MAS1: variants seen among roughly 807,000 people sequenced by gnomAD.
MAS1 encodes the protein proto-oncogene Mas.
For missense variants in MAS1, 387 were observed against 409.7 expected, an observed-to-expected ratio of 0.94 and a Z score of 0.48; for synonymous variants, 163 against 164.2, an observed-to-expected ratio of 0.99 and a Z score of 0.05.
chr6:159,908,109 C>T lies in MAS1; in HGVS notation c.*176C>T. 1 of 611,362 alleles carries T rather than the reference C, an allele frequency of 1.6e-6. No homozygotes were observed. The highest frequency in any genetic ancestry group is 3.1e-5 in the East Asian group (1 of 32,188). 37.9% of individuals were successfully genotyped at this position (611,362 alleles called of 1,614,324 possible). A position where few individuals can be genotyped will look rare whatever the true frequency, so the allele number is the denominator to read the frequency against. ...CTTGTACTGTATCTTCTGGAAATGA[C>T]CTGTCATTTCTGTACTTGACAAAGA... On this transcript the variant is annotated 3_prime_UTR_variant, in exon 3 of 3. Coordinates refer to ENST00000674077, the MANE Select transcript of MAS1 (RefSeq NM_002377.4).
chr6:159,890,443 C>T (rs1055377639), upstream of MAS1, among the ~76,000 whole-genome samples: 1 of 152,152 alleles, frequency 6.6e-6, no homozygotes, highest in Non-Finnish European at 1.5e-5. Flanking sequence ...CCCCTGAACA[C>T]ACTCCTTGGC....
At chr6:159,900,460 C>T in intron 2 of MAS1, among the ~76,000 whole-genome samples, 1 of 152,198 alleles carries the variant, frequency 6.6e-6, no homozygotes, top group East Asian at 1.9e-4. Context: ...TGCTATTTCA[C>T]TTCAGAGACC....
At position 159,912,994 on chromosome 6, in the gene MAS1, A is replaced by G. The variant is rs938759085; in HGVS notation, c.*5061A>G. On this transcript the variant is annotated 3_prime_UTR_variant, in exon 3 of 3. Transcript: ENST00000674077. ...ATGTTGAAGAGAGGCTCTTGGGAAA[A>G]CTGCTGAAGTCTTTAGATATTTTTG... is the stretch of plus-strand genomic sequence containing the variant. The G allele has an allele frequency of 6.6e-6, 1 of 152,228 alleles. No homozygotes were observed. Among genetic ancestry groups the G allele is most frequent in the East Asian group, 1.9e-4 (1 of 5,204 alleles). The allele number at this position is 152,228 out of a possible 1,614,324, so 9.4% of individuals were successfully genotyped here.
intron 1 of MAS1, among the ~76,000 whole-genome samples, chr6:159,891,992 C>T (rs887311196): frequency 7.2e-5 from 11 of 152,132 alleles, no homozygotes; most frequent in African/African-American, 2.7e-4. Context: ...ACCAGTAGCA[C>T]ACTCCTCTCC....
chr6:159,914,555 T>C lies in MAS1; in HGVS notation c.*6622T>C, dbSNP rs1782999622. 6.6e-6 allele frequency: 1 copy of C among 152,248 alleles called. No homozygotes were observed. The highest frequency in any genetic ancestry group is 6.5e-5 in the Admixed American group (1 of 15,288). The allele number at this position is 152,248 out of a possible 1,614,324, so 9.4% of individuals were successfully genotyped here. A position where few individuals can be genotyped will look rare whatever the true frequency, so the allele number is the denominator to read the frequency against. On this transcript the variant is annotated 3_prime_UTR_variant, in exon 3 of 3. Coordinates refer to ENST00000674077, the MANE Select transcript of MAS1 (RefSeq NM_002377.4). Reference sequence around the variant, plus strand: ...TCAGAACTTAATCTTGAGCTTTTTGTTGTTTCCAGGCCAGGGGAGGGCTCT... The same window carrying C: ...TCAGAACTTAATCTTGAGCTTTTTGCTGTTTCCAGGCCAGGGGAGGGCTCT...
At chr6:159,896,904 T>G (rs566581675) in intron 1 of MAS1, among the ~76,000 whole-genome samples, 177 of 152,132 alleles carry the variant, frequency 1.2e-3, no homozygotes, top group African/African-American at 4.2e-3. Context: ...GACGGAGTCT[T>G]GATCTGTCAC....
intron 2 of MAS1, 143 bp from the exon 3 acceptor site, chr6:159,906,777 T>A (rs1000176833): frequency 2.8e-5 from 18 of 638,394 alleles, no homozygotes; most frequent in South Asian, 1.3e-4. Context: ...ATCTTATCAT[T>A]GTGACAAAGA....
Position 159,907,721 on chromosome 6 carries a change from T to C in MAS1, c.766T>C (p.Ser256Pro), listed in dbSNP as rs750604816. 1 of 1,613,680 alleles carries C rather than the reference T, an allele frequency of 6.2e-7. No individual in the cohort carries two copies. The highest frequency in any genetic ancestry group is 8.5e-7 in the Non-Finnish European group (1 of 1,179,936). Residue 256 changes from serine to proline, a missense_variant, in exon 3 of 3, where the codon TCG becomes CCG. By Grantham distance (74) the Ser-to-Pro change is moderately conservative (BLOSUM62 -1). Coordinates refer to ENST00000674077, the MANE Select transcript of MAS1 (RefSeq NM_002377.4). ...LLYLLYYEYW[S>P]TFGNLHHISL... Reference sequence around the variant, plus strand: ...TTACCTGCTGTACTATGAGTATTGGTCGACCTTTGGGAACCTACACCACAT... The same window carrying C: ...TTACCTGCTGTACTATGAGTATTGGCCGACCTTTGGGAACCTACACCACAT...
At chr6:159,891,680 G>C (rs571113035) in intron 1 of MAS1, among the ~76,000 whole-genome samples, 1 of 152,262 alleles carries the variant, frequency 6.6e-6, no homozygotes, top group African/African-American at 2.4e-5. Context: ...GAAGCCGTAT[G>C]CATTCCTTTG....
In MAS1 at chr6:159,907,136, A is replaced by C; in HGVS notation, c.181A>C (p.Met61Leu). The C allele has an allele frequency of 6.2e-7, 1 of 1,614,194 alleles. No individual in the cohort carries two copies. The highest frequency in any genetic ancestry group is 1.1e-5 in the South Asian group (1 of 91,080). Reference protein sequence around the residue: ...GILLWFLCFRMRRNPFTVYIT... With the variant: ...GILLWFLCFRLRRNPFTVYIT... ...TCTCCTCTGGTTCCTGTGCTTCCGGATGAGAAGAAATCCCTTCACTGTCTA... is the reference window on the plus strand; with the variant it reads ...TCTCCTCTGGTTCCTGTGCTTCCGGCTGAGAAGAAATCCCTTCACTGTCTA... The change falls in exon 3 of 3, where the codon ATG (methionine) becomes CTG (leucine). Residue 61 changes from methionine (M) to leucine (L), a missense_variant. By Grantham distance (15) the Met-to-Leu change is conservative. Coordinates refer to ENST00000674077, the MANE Select transcript of MAS1 (RefSeq NM_002377.4).
chr6:159,900,414 G>A (rs1445635491), intron 2 of MAS1, among the ~76,000 whole-genome samples: 1 of 152,202 alleles, frequency 6.6e-6, no homozygotes, highest in Non-Finnish European at 1.5e-5. Context: ...TGACGAGCAC[G>A]TAGGGCCGGC....
rs1288483328 is a variant in MAS1, at chr6:159,910,283, G to C, written c.*2350G>C. The C allele has an allele frequency of 6.6e-6, 1 of 152,232 alleles. No individual in the cohort carries two copies. Among genetic ancestry groups the C allele is most frequent in the African/African-American group, 2.4e-5 (1 of 41,452 alleles). 9.4% of individuals were successfully genotyped at this position (152,232 alleles called of 1,614,324 possible). A position where few individuals can be genotyped will look rare whatever the true frequency, so the allele number is the denominator to read the frequency against. On this transcript the variant is annotated 3_prime_UTR_variant, in exon 3 of 3. Transcript: ENST00000674077. Reference sequence around the variant, plus strand: ...CCATGATGTGGACAAGGCAAAGACGGGGAAGCGGAAGCCGCTGTCTATGTC... The same window carrying C: ...CCATGATGTGGACAAGGCAAAGACGCGGAAGCGGAAGCCGCTGTCTATGTC...
At chr6:159,893,752 A>G (rs1294892932) in intron 1 of MAS1, among the ~76,000 whole-genome samples, 2 of 152,198 alleles carry the variant, frequency 1.3e-5, no homozygotes, top group Non-Finnish European at 2.9e-5. Context: ...TATATTCCTT[A>G]GCCCTGCCAC....
intron 1 of MAS1, among the ~76,000 whole-genome samples, chr6:159,897,314 A>C (rs1313875508): frequency 6.6e-6 from 1 of 152,176 alleles, no homozygotes; most frequent in African/African-American, 2.4e-5. Flanking sequence ...GGGTGGGATC[A>C]CAGAACCGGT....
chr6:159,893,914 T>C (rs1399915290), intron 1 of MAS1, among the ~76,000 whole-genome samples: 1 of 152,032 alleles, frequency 6.6e-6, no homozygotes, highest in Non-Finnish European at 1.5e-5. Context: ...CATACAAGAT[T>C]ATGGTAAAGT....
chr6:159,891,244 C>G (rs1450594440), intron 1 of MAS1, among the ~76,000 whole-genome samples, 111 bp downstream of exon 1: 4 of 152,096 alleles, frequency 2.6e-5, no homozygotes, highest in African/African-American at 9.7e-5. Context: ...GCTGGTTTTT[C>G]TTTCTTTTAT....
intron 2 of MAS1, among the ~76,000 whole-genome samples, chr6:159,902,761 C>T (rs1239869631): frequency 1.3e-5 from 2 of 152,114 alleles, no homozygotes; most frequent in African/African-American, 2.4e-5. Flanking sequence ...AAGTGCGTGC[C>T]GGCCACTGTA....
intron 1 of MAS1, among the ~76,000 whole-genome samples, 48 bp downstream of exon 1, chr6:159,891,181 A>G (rs1782695583): frequency 6.6e-6 from 1 of 152,244 alleles, no homozygotes; most frequent in East Asian, 1.9e-4. Context: ...CTTGACAACC[A>G]GAGTAAGATT....
In MAS1 at chr6:159,911,396, G is replaced by A. The variant is rs118172442; in HGVS notation, c.*3463G>A. On this transcript the variant is annotated 3_prime_UTR_variant, in exon 3 of 3. Coordinates refer to ENST00000674077, the MANE Select transcript of MAS1 (RefSeq NM_002377.4). ...GTTGCCCCAGCTGGAGTGCGGTGGC[G>A]TGATTTCGGCTCACTGCAACCTCCA... is the stretch of plus-strand genomic sequence containing the variant. 3,745 of 141,506 alleles carry A rather than the reference G, an allele frequency of 0.026. 73 individuals carry two copies. The highest frequency in any genetic ancestry group is 0.033 in the Non-Finnish European group (2,206 of 66,578). The allele number at this position is 141,506 out of a possible 1,614,324, so 8.8% of individuals were successfully genotyped here. A position where few individuals can be genotyped will look rare whatever the true frequency, so the allele number is the denominator to read the frequency against.
Sources: gnomAD v4.1 joint callset for allele counts (sites outside exome capture counted in the v4.1 genomes callset) on GRCh38, gnomAD v4.1.1 for gene constraint, MANE v1.5 for transcripts, NCBI Gene and HGNC (gene_info 2026-07-23, HGNC 2026-07-21) for gene names.